SAMSN1: variants seen among roughly 807,000 people sequenced by gnomAD.
SAMSN1 encodes SAM domain, SH3 domain and nuclear localization signals 1, also known as SAM domain-containing protein SAMSN-1.
A neutral mutation model predicts 42.0 loss-of-function variants in SAMSN1; 31 were observed. That is an observed-to-expected ratio of 0.74 (90% CI 0.55 to 1.00). The LOEUF (loss-of-function observed/expected upper bound fraction) is 1.00, where lower values mean the gene tolerates loss of function less well. Among genes scored for constraint, SAMSN1 ranks in the 50% least tolerant of loss-of-function variants. The pLI, the probability that SAMSN1 is intolerant of heterozygous loss-of-function variation, is 0.00. For synonymous variants in SAMSN1, 178 were observed against 151.9 expected (o/e 1.17, Z -1.26); for missense variants, 464 against 439.4 (o/e 1.06, Z -0.50).
intron 6 of SAMSN1, 38 bp from the exon 7 acceptor site, chr21:14,498,630 CAAA>C: frequency 1.3e-6 from 2 of 1,483,470 alleles, no homozygotes; most frequent in Non-Finnish European, 1.8e-6. Flanking sequence ...TAGTCAGATT[CAAA>C]TATTTTATTT....
exon 2 of SAMSN1, chr21:14,582,394 C>T: frequency 6.5e-7 from 1 of 1,550,242 alleles, no homozygotes; most frequent in Non-Finnish European, 8.7e-7. Context: ...ATCTAATCTC[C>T]ATTTCTTCCT....
Position 14,567,592 on chromosome 21 carries a change from G to A in SAMSN1, c.261+14544C>T, listed in dbSNP as rs151294293. ...GATTTATCCACTGCACCCATTAGAG[G>A]CTCTGTACACTCTTCCAGCTGATCA... On this transcript the variant is annotated intron_variant, in intron 2 of 8. Coordinates refer to the SAMSN1 transcript ENST00000285670. 2.5e-3 allele frequency among the ~76,000 whole-genome samples: 374 copies of A among 152,194 alleles called. 6 individuals carry two copies. Among genetic ancestry groups the A allele is most frequent in the Non-Finnish European group, 4.0e-3 (273 of 68,004 alleles).
intron 6 of SAMSN1, among the ~76,000 whole-genome samples, chr21:14,595,048 C>T (rs1982217861): frequency 6.6e-6 from 1 of 152,082 alleles, no homozygotes; most frequent in Non-Finnish European, 1.5e-5. Flanking sequence ...AGGGGCTACA[C>T]ACTTGTAAAC....
At chr21:14,587,086 T>C (rs910823415), upstream of SAMSN1, among the ~76,000 whole-genome samples, 5 of 152,176 alleles carry the variant, frequency 3.3e-5, no homozygotes, top group Non-Finnish European at 7.4e-5. Context: ...GTTTACAGTT[T>C]TGTTCTTCTC....
chr21:14,597,577 A>G (rs372970961), intron 6 of SAMSN1, among the ~76,000 whole-genome samples: 2 of 152,328 alleles, frequency 1.3e-5, no homozygotes, highest in East Asian at 3.9e-4. Flanking sequence ...AGCAGAGTTT[A>G]GCATTAGCAA....
intron 2 of SAMSN1, among the ~76,000 whole-genome samples, chr21:14,629,850 T>C (rs572397909): frequency 1.3e-5 from 2 of 152,210 alleles, no homozygotes; most frequent in Non-Finnish European, 2.9e-5. Context: ...ATTTGCATTA[T>C]AAAAGATTCC....
chr21:14,525,670 G>C (rs75831487), intron 1 of SAMSN1, among the ~76,000 whole-genome samples: 1 of 152,044 alleles, frequency 6.6e-6, no homozygotes, highest in African/African-American at 2.4e-5. Context: ...GCAAATGTGC[G>C]GCTATGAGGA....
chr21:14,571,904 T>G (rs1341703474), intron 2 of SAMSN1, among the ~76,000 whole-genome samples: 6 of 152,286 alleles, frequency 3.9e-5, no homozygotes, highest in African/African-American at 1.4e-4. Flanking sequence ...GTGAGTTAGC[T>G]CCAGCTTTCT....
chr21:14,573,920 A>G (rs762775723), intron 2 of SAMSN1, among the ~76,000 whole-genome samples: 3 of 152,204 alleles, frequency 2.0e-5, no homozygotes, highest in Non-Finnish European at 4.4e-5. Flanking sequence ...CTACACATGC[A>G]AAATATGTCT....
At chr21:14,608,971 T>A (rs1005747182) in intron 5 of SAMSN1, among the ~76,000 whole-genome samples, 1 of 152,194 alleles carries the variant, frequency 6.6e-6, no homozygotes, top group Non-Finnish European at 1.5e-5. Context: ...ATTATGAAAT[T>A]ACATACTATT....
intron 2 of SAMSN1, among the ~76,000 whole-genome samples, chr21:14,633,028 A>T (rs1275254538): frequency 6.6e-6 from 1 of 151,984 alleles, no homozygotes; most frequent in Non-Finnish European, 1.5e-5. Flanking sequence ...CCTTTGCCCT[A>T]CTCTATTGGA....
intron 5 of SAMSN1, among the ~76,000 whole-genome samples, chr21:14,608,509 C>T (rs1982622072): frequency 6.6e-6 from 1 of 152,090 alleles, no homozygotes; most frequent in South Asian, 2.1e-4. Flanking sequence ...GACAACAGGG[C>T]CTGAAATTCC....
rs76476850 is a variant in SAMSN1 at position 14,612,767 on chromosome 21, A to G, written c.235+109T>C. ...TTCTATATAATTCAAAGACAACTCA[A>G]TTTGACTTTCATTAATCAGTTTTGT... On this transcript the variant is annotated intron_variant, in intron 4 of 15. Coordinates refer to the SAMSN1 transcript ENST00000647101. 35 of 661,960 alleles carry G rather than the reference A, an allele frequency of 5.3e-5. No homozygotes were observed. The East Asian group carries it at 5.8e-4, about 11-fold the overall frequency. The allele number at this position is 661,960 out of a possible 1,614,324, so 41.0% of individuals were successfully genotyped here.
chr21:14,639,726 G>A (rs1214573386), intron 2 of SAMSN1, among the ~76,000 whole-genome samples: 1 of 145,976 alleles, frequency 6.9e-6, no homozygotes, highest in Non-Finnish European at 1.5e-5. Context: ...ATTATGGAGT[G>A]ATCAGTCCTT....
intron 6 of SAMSN1, among the ~76,000 whole-genome samples, chr21:14,600,979 T>C (rs979449082): frequency 5.3e-5 from 8 of 152,206 alleles, no homozygotes; most frequent in African/African-American, 1.7e-4. Flanking sequence ...AACTATAGTG[T>C]TTTAATGACA....
chr21:14,553,863 T>C (rs895850310), intron 2 of SAMSN1, among the ~76,000 whole-genome samples: 3 of 152,112 alleles, frequency 2.0e-5, no homozygotes, highest in Non-Finnish European at 1.5e-5. Flanking sequence ...TGGTATATCC[T>C]AAAATGTCAT....
At chr21:14,511,807 A>C (rs1273604981) in intron 4 of SAMSN1, among the ~76,000 whole-genome samples, 31 of 152,218 alleles carry the variant, frequency 2.0e-4, no homozygotes, top group Non-Finnish European at 1.5e-5. Flanking sequence ...TCTTCATTAG[A>C]AAATCCTTGT....
intron 7 of SAMSN1, among the ~76,000 whole-genome samples, chr21:14,486,958 G>C (rs1393871325): frequency 6.6e-6 from 1 of 152,092 alleles, no homozygotes; most frequent in Non-Finnish European, 1.5e-5. Context: ...TACTCTTCTC[G>C]ATTCCTTTAG....
At chr21:14,590,266 A>T (rs115733331) in intron 7 of SAMSN1, among the ~76,000 whole-genome samples, 43,312 of 150,880 alleles carry the variant, frequency 0.29, 7,076 homozygotes, top group African/African-American at 0.45. Context: ...AATTGGGAGA[A>T]TTTTTTTTTC....
Sources: gnomAD v4.1 joint callset for allele counts (sites outside exome capture counted in the v4.1 genomes callset) on GRCh38, gnomAD v4.1.1 for gene constraint, MANE v1.5 for transcripts, NCBI Gene and HGNC (gene_info 2026-07-23, HGNC 2026-07-21) for gene names.